Variants in NCKAP5 observed in about 807,000 individuals in gnomAD.
The protein encoded by NCKAP5 is NCK associated protein 5.
In NCKAP5, 92 loss-of-function variants were observed where a neutral mutation model predicts 167.0. That is an observed-to-expected ratio of 0.55 (90% CI 0.47 to 0.66). NCKAP5 has a LOEUF of 0.66. Ranked by LOEUF, NCKAP5 falls within the 30% of genes least tolerant of loss-of-function variation. The probability of loss-of-function intolerance (pLI) is 0.00; values close to 1 mark genes in which losing one functional copy is unlikely to be tolerated. For synonymous variants in NCKAP5, 891 were observed against 877.4 expected, an observed-to-expected ratio of 1.02 and a Z score of -0.27; for missense variants, 2,378 against 2,315.0, an observed-to-expected ratio of 1.03 and a Z score of -0.56.
chr2:132,948,459 G>A (rs1369184080), intron 8 of NCKAP5, among the ~76,000 whole-genome samples: 3 of 152,174 alleles, frequency 2.0e-5, no homozygotes, highest in African/African-American at 7.2e-5. Context: ...CCTGCAGCGA[G>A]CGAAGGGGCA....
In NCKAP5 at chr2:133,310,966, C is replaced by T. The variant is rs75923896; in HGVS notation, c.70-7856G>A. ...CTCTCATACACCACTCAATGTGATGCTTCTGACAGCAGATGAATGGGAATT... is the reference window on the plus strand; with the variant it reads ...CTCTCATACACCACTCAATGTGATGTTTCTGACAGCAGATGAATGGGAATT... On this transcript the variant is annotated intron_variant, in intron 3 of 19. Coordinates refer to ENST00000409261, the MANE Select transcript of NCKAP5 (RefSeq NM_207363.3). Among the ~76,000 whole-genome samples, 690 of 152,330 alleles carry T rather than the reference C, an allele frequency of 4.5e-3. 9 individuals carry two copies. Among genetic ancestry groups the T allele is most frequent in the African/African-American group, 0.016 (647 of 41,572 alleles).
intron 3 of NCKAP5, among the ~76,000 whole-genome samples, chr2:133,328,258 G>A (rs940438985): frequency 3.3e-5 from 5 of 152,134 alleles, no homozygotes; most frequent in African/African-American, 9.7e-5. Flanking sequence ...CCCCAAATTC[G>A]CTGCGTATCT....
intron 7 of NCKAP5, among the ~76,000 whole-genome samples, chr2:132,991,771 G>A (rs1321597103): frequency 6.6e-6 from 1 of 152,152 alleles, no homozygotes; most frequent in Admixed American, 6.5e-5. Flanking sequence ...TGGAAAATCT[G>A]AGACAGGTGT....
intron 2 of NCKAP5, among the ~76,000 whole-genome samples, chr2:133,535,139 G>T (rs1427744393): frequency 6.6e-6 from 1 of 151,988 alleles, no homozygotes; most frequent in Non-Finnish European, 1.5e-5. Context: ...TGTTTTAAAG[G>T]GTTATGTAAA....
intron 5 of NCKAP5, among the ~76,000 whole-genome samples, chr2:133,163,116 G>GC (rs1360472989): frequency 1.4e-5 from 2 of 147,712 alleles, no homozygotes; most frequent in Non-Finnish European, 3.0e-5. Flanking sequence ...GGAACTCACA[G>GC]CAAAAAAAGA....
chr2:132,755,159 T>C (rs1680429050), intron 16 of NCKAP5, among the ~76,000 whole-genome samples: 1 of 152,214 alleles, frequency 6.6e-6, no homozygotes, highest in Middle Eastern at 3.2e-3. Flanking sequence ...ACCTAACTAT[T>C]GGGCAAAGCC....
At chr2:132,884,582 T>C (rs2148836704) in intron 8 of NCKAP5, among the ~76,000 whole-genome samples, 1 of 152,320 alleles carries the variant, frequency 6.6e-6, no homozygotes, top group South Asian at 2.1e-4. Flanking sequence ...AAAAGCGATT[T>C]CCAGTTCAAA....
chr2:132,689,242 G>A (rs544974411), intron 19 of NCKAP5, among the ~76,000 whole-genome samples: 1 of 152,258 alleles, frequency 6.6e-6, no homozygotes, highest in East Asian at 1.9e-4. Flanking sequence ...GATAGGAACT[G>A]CATGGATTCA....
upstream of NCKAP5, among the ~76,000 whole-genome samples, chr2:133,569,068 A>C (rs1688750977): frequency 6.6e-6 from 1 of 152,128 alleles, no homozygotes; most frequent in African/African-American, 2.4e-5. Flanking sequence ...TGATTCTTAA[A>C]ATTTTAACCA....
At chr2:133,289,869 G>A (rs1350378141) in intron 4 of NCKAP5, among the ~76,000 whole-genome samples, 1 of 152,134 alleles carries the variant, frequency 6.6e-6, no homozygotes, top group Non-Finnish European at 1.5e-5. Flanking sequence ...GCCAAAGCAG[G>A]CACATCTTAC....
intron 6 of NCKAP5, among the ~76,000 whole-genome samples, chr2:133,040,115 C>T (rs1406113972): frequency 1.3e-5 from 2 of 151,952 alleles, no homozygotes; most frequent in South Asian, 4.2e-4. Flanking sequence ...AGAAGCACAT[C>T]TAGCATGCCT....
intron 6 of NCKAP5, among the ~76,000 whole-genome samples, chr2:133,054,163 T>A (rs1198977735): frequency 6.6e-6 from 1 of 152,196 alleles, no homozygotes; most frequent in Non-Finnish European, 1.5e-5. Context: ...TATACACTAA[T>A]TCTAAAATGC....
intron 4 of NCKAP5, among the ~76,000 whole-genome samples, chr2:133,240,724 A>C (rs2087657240): frequency 6.6e-6 from 1 of 152,202 alleles, no homozygotes; most frequent in African/African-American, 2.4e-5. Context: ...TCCCTGGCCC[A>C]GACCCAAGCT....
intron 12 of NCKAP5, among the ~76,000 whole-genome samples, chr2:132,791,006 G>T (rs2105115250): frequency 6.6e-6 from 1 of 152,294 alleles, no homozygotes; most frequent in East Asian, 1.9e-4. Context: ...GGCTTCAAAA[G>T]CATGTAAACT....
intron 7 of NCKAP5, among the ~76,000 whole-genome samples, chr2:132,977,793 G>A (rs2077018455): frequency 6.6e-6 from 1 of 152,040 alleles, no homozygotes. Context: ...GCAAAACTCA[G>A]TGCATAGGGT....
chr2:132,754,798 A>G (rs1405636115), intron 16 of NCKAP5, among the ~76,000 whole-genome samples: 3 of 152,362 alleles, frequency 2.0e-5, no homozygotes, highest in East Asian at 3.9e-4. Flanking sequence ...ATGTTTTTAA[A>G]AAACAGGCCA....
chr2:132,932,951 A>G (rs1457939292), intron 8 of NCKAP5, among the ~76,000 whole-genome samples: 6 of 142,598 alleles, frequency 4.2e-5, no homozygotes, highest in Non-Finnish European at 7.5e-5. Context: ...TTGAGACAGA[A>G]TCTCGCTTTG....
chr2:132,742,046 C>T, intron 16 of NCKAP5, among the ~76,000 whole-genome samples: 1 of 152,058 alleles, frequency 6.6e-6, no homozygotes. Flanking sequence ...GAAGGTATAA[C>T]ATATCAATCC....
At chr2:133,489,057 C>T (rs1490192098) in intron 3 of NCKAP5, among the ~76,000 whole-genome samples, 1 of 152,184 alleles carries the variant, frequency 6.6e-6, no homozygotes, top group African/African-American at 2.4e-5. Flanking sequence ...CCACTGCACT[C>T]CAGCCTGAGC....
Sources: gnomAD v4.1 joint callset for allele counts (sites outside exome capture counted in the v4.1 genomes callset) on GRCh38, gnomAD v4.1.1 for gene constraint, MANE v1.5 for transcripts, NCBI Gene and HGNC (gene_info 2026-07-23, HGNC 2026-07-21) for gene names.